The following ADCY2 variants were observed in gnomAD, a reference collection of about 807,000 sequenced individuals.
The protein encoded by ADCY2 is adenylate cyclase type 2.
Under a neutral mutation model 125.2 loss-of-function variants are expected in ADCY2, and 31 were observed. The observed-to-expected ratio is 0.25, with a 90% CI of 0.19 to 0.33. ADCY2 has a LOEUF of 0.33. Among genes scored for constraint, ADCY2 ranks in the 10% least tolerant of loss-of-function variants. The pLI, the probability that ADCY2 is intolerant of heterozygous loss-of-function variation, is 1.00. For missense variants in ADCY2, 904 were observed against 1,418.2 expected, an observed-to-expected ratio of 0.64 and a Z score of 5.82; for synonymous variants, 512 against 548.4, an observed-to-expected ratio of 0.93 and a Z score of 0.93.
At chr5:7,549,633 G>T (rs753516599) in intron 3 of ADCY2, among the ~76,000 whole-genome samples, 9 of 152,150 alleles carry the variant, frequency 5.9e-5, no homozygotes, top group Non-Finnish European at 1.2e-4. Context: ...CTCTCCCTGT[G>T]ATTATGACTC....
intron 18 of ADCY2, among the ~76,000 whole-genome samples, chr5:7,777,671 C>A (rs1182618913): frequency 2.0e-5 from 3 of 152,200 alleles, no homozygotes; most frequent in Non-Finnish European, 4.4e-5. Flanking sequence ...TATGGCAAGG[C>A]CTTTTCAGAA....
At position 7,818,649 on chromosome 5, in the gene ADCY2, A is replaced by G. The variant is rs1418975143; in HGVS notation, c.2998+1669A>G. ...TGACCTCAAGTGATCTGCTCACCTC[A>G]GTCTCCCAAAATGCCATATTTTTCT... is the stretch of plus-strand genomic sequence containing the variant. On this transcript the variant is annotated intron_variant, in intron 23 of 24. Transcript: ENST00000338316. 4.6e-5 allele frequency among the ~76,000 whole-genome samples: 7 copies of G among 152,102 alleles called. No individual in the cohort carries two copies. In the East Asian group the frequency reaches 1.3e-3, roughly 29 times the overall value.
chr5:7,660,401 A>C (rs1031869090), intron 4 of ADCY2, among the ~76,000 whole-genome samples: 1 of 152,140 alleles, frequency 6.6e-6, no homozygotes, highest in African/African-American at 2.4e-5. Flanking sequence ...GTTGACTCTG[A>C]TTTTGCTCCC....
At chr5:7,554,906 G>C (rs535302773) in intron 3 of ADCY2, among the ~76,000 whole-genome samples, 1 of 152,198 alleles carries the variant, frequency 6.6e-6, no homozygotes, top group Non-Finnish European at 1.5e-5. Context: ...GAACTATGCT[G>C]TTTCTTTGCA....
At chr5:7,636,618 C>T (rs571815467) in intron 4 of ADCY2, among the ~76,000 whole-genome samples, 1 of 152,224 alleles carries the variant, frequency 6.6e-6, no homozygotes, top group Admixed American at 6.5e-5. Context: ...TAAGACCAAT[C>T]TAAATTTAAA....
chr5:7,455,120 C>G (rs752281007), intron 2 of ADCY2, among the ~76,000 whole-genome samples: 89 of 152,162 alleles, frequency 5.8e-4, no homozygotes, highest in Admixed American at 1.3e-3. Flanking sequence ...GCTGCACAAA[C>G]TTAGCATACT....
At chr5:7,679,244 C>T (rs1013296967) in intron 4 of ADCY2, among the ~76,000 whole-genome samples, 1 of 152,244 alleles carries the variant, frequency 6.6e-6, no homozygotes, top group South Asian at 2.1e-4. Context: ...GTGGAAATGA[C>T]GTGATGGAAC....
At chr5:7,520,018 A>G (rs1199804891) in intron 2 of ADCY2, among the ~76,000 whole-genome samples, 2 of 152,242 alleles carry the variant, frequency 1.3e-5, no homozygotes, top group Non-Finnish European at 1.5e-5. Context: ...ACAATATTCT[A>G]TTGTGTGGAT....
At position 7,784,442 on chromosome 5, in the gene ADCY2, G is replaced by A. The variant is rs747708167; in HGVS notation, c.2462G>A (p.Gly821Asp). 1 of 1,612,886 alleles carries A rather than the reference G, an allele frequency of 6.2e-7. No homozygotes were observed. The highest frequency in any genetic ancestry group is 1.1e-5 in the South Asian group (1 of 91,038). ...SIFFITLLVL[G>D]RQNEYYCRLD... ...TTCTTCATCACACTGCTTGTTCTGG[G>A]TAGACAGGTAAGAAGTCTGTTTATA... Residue 821 changes from glycine (G) to aspartate (D), a missense_variant, in exon 19 of 25, where the codon GGT (glycine) becomes GAT (aspartate). Gly to Asp is a moderately conservative substitution (Grantham distance 94, BLOSUM62 -1). Coordinates refer to ENST00000338316, the MANE Select transcript of ADCY2 (RefSeq NM_020546.3).
intron 10 of ADCY2, among the ~76,000 whole-genome samples, chr5:7,710,880 G>A (rs1741418133): frequency 1.3e-5 from 2 of 152,156 alleles, no homozygotes; most frequent in Non-Finnish European, 2.9e-5. Flanking sequence ...TGAAAGTAGA[G>A]CCAATAAGAC....
At chr5:7,551,425 A>G (rs931237795) in intron 3 of ADCY2, among the ~76,000 whole-genome samples, 1 of 152,194 alleles carries the variant, frequency 6.6e-6, no homozygotes, top group Non-Finnish European at 1.5e-5. Context: ...CCAAGTCTCC[A>G]TTGCAGGGAA....
At chr5:7,700,218 G>A (rs987402656) in intron 7 of ADCY2, among the ~76,000 whole-genome samples, 1 of 152,116 alleles carries the variant, frequency 6.6e-6, no homozygotes, top group Non-Finnish European at 1.5e-5. Context: ...CATTGTATCT[G>A]TAATTTTTTT....
At chr5:7,814,929 C>T (rs939347677) in intron 22 of ADCY2, among the ~76,000 whole-genome samples, 3 of 152,190 alleles carry the variant, frequency 2.0e-5, no homozygotes, top group Admixed American at 6.5e-5. Context: ...TGTTTTCCAG[C>T]GTGCCTTGCT....
chr5:7,562,068 A>G (rs551269978), intron 3 of ADCY2, among the ~76,000 whole-genome samples: 6 of 152,212 alleles, frequency 3.9e-5, no homozygotes, highest in South Asian at 4.1e-4. Context: ...TGTTGATTCC[A>G]TGAATGGGTT....
In ADCY2 at chr5:7,828,841, G is replaced by C. The variant is rs747142721; in HGVS notation, c.*1970G>C. 6 of 152,282 alleles carry C rather than the reference G, an allele frequency of 3.9e-5. No homozygotes were observed. Among genetic ancestry groups the C allele is most frequent in the Non-Finnish European group, 8.8e-5 (6 of 68,048 alleles). 9.4% of individuals were successfully genotyped at this position (152,282 alleles called of 1,614,324 possible). On this transcript the variant is annotated 3_prime_UTR_variant, in exon 25 of 25. Coordinates refer to ENST00000338316, the MANE Select transcript of ADCY2 (RefSeq NM_020546.3). ...GTGGGTTCTTCCTCTGTTACATCCT[G>C]CTACACTCATCCGCAGGTCACCTTA...
At chr5:7,427,324 A>T (rs1365066656) in intron 2 of ADCY2, among the ~76,000 whole-genome samples, 2 of 152,228 alleles carry the variant, frequency 1.3e-5, no homozygotes, top group South Asian at 4.1e-4. Flanking sequence ...TGGGTAATTT[A>T]TAAAGGAAAC....
chr5:7,476,562 T>A (rs914422049), intron 2 of ADCY2, among the ~76,000 whole-genome samples: 1 of 152,158 alleles, frequency 6.6e-6, no homozygotes, highest in Non-Finnish European at 1.5e-5. Context: ...TTGGGTGTCA[T>A]CAGGAACTGT....
In ADCY2 at chr5:7,465,184, C is replaced by T. The variant is rs559090886; in HGVS notation, c.408+50414C>T. The stretch of plus-strand genomic sequence containing the variant: ...ACAATTCAAGATGAGATTTGGGTGG[C>T]GACACAGCCAAACCATATCATTATC... On this transcript the variant is annotated intron_variant, in intron 2 of 24. Transcript: ENST00000338316. Among the ~76,000 whole-genome samples the T allele has an allele frequency of 8.9e-4, 136 of 152,284 alleles. 1 individual carries two copies. The highest frequency in any genetic ancestry group is 2.9e-3 in the African/African-American group (119 of 41,562).
intron 4 of ADCY2, among the ~76,000 whole-genome samples, chr5:7,661,441 G>A (rs568304285): frequency 6.6e-6 from 1 of 152,216 alleles, no homozygotes; most frequent in Non-Finnish European, 1.5e-5. Flanking sequence ...AATGGCAAAG[G>A]CAACCCCTCC....
Sources: gnomAD v4.1 joint callset for allele counts (sites outside exome capture counted in the v4.1 genomes callset) on GRCh38, gnomAD v4.1.1 for gene constraint, MANE v1.5 for transcripts, NCBI Gene and HGNC (gene_info 2026-07-23, HGNC 2026-07-21) for gene names.